Variants in ZFHX3 observed in about 807,000 individuals in gnomAD.
ZFHX3 encodes zinc finger homeobox 3.
ZFHX3 carries 42 observed loss-of-function variants against 279.1 expected under a neutral mutation model. The observed-to-expected ratio is 0.15, with a 90% CI of 0.12 to 0.19. The LOEUF is 0.19. Among genes scored for constraint, ZFHX3 ranks in the 10% least tolerant of loss-of-function variants. The pLI is 1.00. For missense variants in ZFHX3, 4,981 were observed against 4,754.0 expected (o/e 1.05, Z -1.40); for synonymous variants, 2,293 against 1,957.8 (o/e 1.17, Z -4.52).
At chr16:73,771,758 A>ATTT (rs55993701) in intron 1 of ZFHX3, among the ~76,000 whole-genome samples, 29 of 144,072 alleles carry the variant, frequency 2.0e-4, no homozygotes, top group African/African-American at 2.3e-4. Context: ...GCCTTAAAGA[A>ATTT]TTTTTTTTTT....
At chr16:73,353,312 G>A (rs886701929) in intron 3 of ZFHX3, among the ~76,000 whole-genome samples, 7 of 152,186 alleles carry the variant, frequency 4.6e-5, no homozygotes, top group African/African-American at 1.7e-4. Flanking sequence ...CCTGGCCAGA[G>A]TGGAGCTATG....
At chr16:73,838,258 A>G (rs1244262171) in intron 1 of ZFHX3, among the ~76,000 whole-genome samples, 1 of 152,210 alleles carries the variant, frequency 6.6e-6, no homozygotes, top group Non-Finnish European at 1.5e-5. Flanking sequence ...CCAGAGCTGT[A>G]GCCAACATAT....
At chr16:73,086,075 A>C (rs1048274324) in intron 8 of ZFHX3, among the ~76,000 whole-genome samples, 3 of 152,174 alleles carry the variant, frequency 2.0e-5, no homozygotes, top group African/African-American at 7.2e-5. Context: ...TATGTATGAC[A>C]AATGGCCAAC....
At chr16:73,737,228 G>A (rs950624464) in intron 1 of ZFHX3, among the ~76,000 whole-genome samples, 1 of 152,024 alleles carries the variant, frequency 6.6e-6, no homozygotes, top group African/African-American at 2.4e-5. Context: ...GTAGAGACAG[G>A]GTCTTGCTGT....
chr16:73,624,879 A>G (rs1295013249), intron 2 of ZFHX3, among the ~76,000 whole-genome samples: 1 of 152,154 alleles, frequency 6.6e-6, no homozygotes, highest in East Asian at 1.9e-4. Context: ...CCCAAATCCG[A>G]TCTTACACAT....
chr16:73,210,704 G>C (rs116014755), intron 5 of ZFHX3, among the ~76,000 whole-genome samples: 4,341 of 152,210 alleles, frequency 0.029, 217 homozygotes, highest in African/African-American at 0.098. Context: ...CTCTGCAGAG[G>C]TGAGCTTATA....
intron 1 of ZFHX3, among the ~76,000 whole-genome samples, chr16:73,044,900 C>T (rs1402249892): frequency 2.0e-5 from 3 of 152,204 alleles, no homozygotes; most frequent in African/African-American, 7.2e-5. Flanking sequence ...GGATTACAGG[C>T]ATGAGCCACC....
intron 5 of ZFHX3, among the ~76,000 whole-genome samples, chr16:73,146,259 C>T (rs1320629650): frequency 6.6e-6 from 1 of 152,062 alleles, no homozygotes. Context: ...GAAACCCCGT[C>T]TCTACTAAAA....
rs2014013096 is a variant in ZFHX3, at chr16:73,267,584, C to G, written c.-1193-10448G>C. 5.3e-5 allele frequency among the ~76,000 whole-genome samples: 8 copies of G among 152,080 alleles called. No individual in the cohort carries two copies. In the South Asian group the frequency reaches 1.7e-3, roughly 31 times the overall value. On this transcript the variant is annotated intron_variant, in intron 4 of 17. Coordinates refer to the ZFHX3 transcript ENST00000641206. ...ACATCCGGTGGTGGTTTCCTTGCTA[C>G]AGGATGCCTTTTCCCTCTTGAACCC...
At chr16:73,209,806 A>G (rs1180774019) in intron 5 of ZFHX3, among the ~76,000 whole-genome samples, 2 of 152,202 alleles carry the variant, frequency 1.3e-5, no homozygotes, top group African/African-American at 2.4e-5. Flanking sequence ...AATGAAAGTG[A>G]AAAAAGCATA....
At chr16:72,803,060 G>A (rs902531422) in intron 7 of ZFHX3, among the ~76,000 whole-genome samples, 11 of 152,284 alleles carry the variant, frequency 7.2e-5, no homozygotes, top group East Asian at 5.8e-4. Context: ...GGCCGGGTGC[G>A]GTGGCTCAAG....
intron 1 of ZFHX3, among the ~76,000 whole-genome samples, chr16:73,801,169 A>T (rs1445739009): frequency 6.6e-6 from 1 of 152,186 alleles, no homozygotes; most frequent in African/African-American, 2.4e-5. Flanking sequence ...AATTGTTAAA[A>T]AGGGATTTGT....
chr16:73,364,426 A>G (rs2016492596), intron 3 of ZFHX3, among the ~76,000 whole-genome samples: 3 of 151,752 alleles, frequency 2.0e-5, no homozygotes, highest in South Asian at 2.1e-4. Context: ...GTAGGTATAC[A>G]TAAGAGGAAC....
At chr16:73,648,377 T>C (rs980515360) in intron 2 of ZFHX3, among the ~76,000 whole-genome samples, 19 of 152,114 alleles carry the variant, frequency 1.2e-4, no homozygotes, top group African/African-American at 4.3e-4. Flanking sequence ...AGTTTGCTAA[T>C]TGTAGTTTTT....
intron 6 of ZFHX3, among the ~76,000 whole-genome samples, chr16:73,137,871 T>G: frequency 6.6e-6 from 1 of 152,166 alleles, no homozygotes; most frequent in Non-Finnish European, 1.5e-5. Flanking sequence ...CTCAAAATTT[T>G]TTTTGTATTT....
At chr16:73,416,340 G>C (rs2017580350) in intron 3 of ZFHX3, among the ~76,000 whole-genome samples, 1 of 152,110 alleles carries the variant, frequency 6.6e-6, no homozygotes. Context: ...GGGAAATTAG[G>C]AGAAATTCTA....
chr16:73,788,726 C>A (rs768272079), intron 1 of ZFHX3, among the ~76,000 whole-genome samples: 27 of 151,378 alleles, frequency 1.8e-4, no homozygotes, highest in Non-Finnish European at 2.9e-4. Context: ...ATATATATAT[C>A]TATATATAGA....
chr16:73,046,401 T>G (rs1965305386), intron 1 of ZFHX3, among the ~76,000 whole-genome samples: 1 of 152,178 alleles, frequency 6.6e-6, no homozygotes, highest in African/African-American at 2.4e-5. Context: ...CAGGTTACCT[T>G]GGAAGGTGTA....
rs551370713 is a variant in ZFHX3 at position 73,855,313 on chromosome 16, T to C, written c.-1608+36338A>G. On this transcript the variant is annotated intron_variant, in intron 1 of 17. Transcript: ENST00000641206. ...GCAATGAAGCTGACAAAATGTAATT[T>C]ACTTGCATTGAAATGGGCCAGATCC... 2.6e-5 allele frequency among the ~76,000 whole-genome samples: 4 copies of C among 151,854 alleles called. No individual in the cohort carries two copies. In the East Asian group the frequency reaches 5.8e-4, roughly 22 times the overall value.
Sources: gnomAD v4.1 joint callset for allele counts (sites outside exome capture counted in the v4.1 genomes callset) on GRCh38, gnomAD v4.1.1 for gene constraint, MANE v1.5 for transcripts, NCBI Gene and HGNC (gene_info 2026-07-23, HGNC 2026-07-21) for gene names.